The following AXDND1 variants were observed in gnomAD, a reference collection of about 807,000 sequenced individuals.
AXDND1 encodes axonemal dynein light chain domain containing 1.
Under a neutral mutation model 137.5 loss-of-function variants are expected in AXDND1, and 110 were observed. The observed-to-expected ratio is 0.80, with a 90% CI of 0.69 to 0.94. The LOEUF (loss-of-function observed/expected upper bound fraction) is 0.94. AXDND1 is among the 40% of genes least tolerant of loss of function. The pLI is 0.00. For missense variants in AXDND1, 1,191 were observed against 1,169.8 expected, an observed-to-expected ratio of 1.02 and a Z score of -0.26; for synonymous variants, 414 against 399.7, an observed-to-expected ratio of 1.04 and a Z score of -0.43.
intron 9 of AXDND1, among the ~76,000 whole-genome samples, chr1:179,392,857 G>A (rs1650409650): frequency 6.6e-6 from 1 of 151,700 alleles, no homozygotes; most frequent in South Asian, 2.1e-4. Context: ...GTTCATCGTA[G>A]ATTTTGGGTA....
At chr1:179,393,453 C>CT (rs1650515828) in intron 9 of AXDND1, among the ~76,000 whole-genome samples, 1 of 151,238 alleles carries the variant, frequency 6.6e-6, no homozygotes, top group African/African-American at 2.4e-5. Context: ...TATGTGGGGT[C>CT]TTTTTTGGTT....
intron 16 of AXDND1, chr1:179,457,133 A>G (rs73036735): frequency 0.094 from 89,531 of 952,724 alleles, 4,953 homozygotes; most frequent in African/African-American, 0.14. Flanking sequence ...GGCTGCATCC[A>G]CCTTCTCCGC....
rs754838951 is a variant in AXDND1, at chr1:179,429,555, T to A, written c.1268T>A (p.Leu423His). 1.2e-5 allele frequency: 19 copies of A among 1,577,448 alleles called. No homozygotes were observed. Among genetic ancestry groups the A allele is most frequent in the Non-Finnish European group, 1.6e-5 (19 of 1,164,788 alleles). ...ERNRVILARR[L>H]YLNEKGWNKY... ...AATAGAGTCATATTGGCTAGAAGAC[T>A]TTACCTTAATGAAAAAGGCTGGAAT... The change falls in exon 13 of 26, where the codon CTT becomes CAT. Residue 423 changes from leucine (L) to histidine (H), a missense_variant. Coordinates refer to ENST00000367618, the MANE Select transcript of AXDND1 (RefSeq NM_144696.6).
At chr1:179,519,593 G>T (rs1168738619) in intron 21 of AXDND1, among the ~76,000 whole-genome samples, 1 of 152,104 alleles carries the variant, frequency 6.6e-6, no homozygotes, top group East Asian at 1.9e-4. Flanking sequence ...TCCAGTTTCA[G>T]TTTTCTCCAT....
At position 179,366,363 on chromosome 1, in the gene AXDND1, TC is replaced by T. The variant is rs1667397895; in HGVS notation, c.-106-40del. 3 of 533,122 alleles carry T rather than the reference TC, an allele frequency of 5.6e-6. No homozygotes were observed. The South Asian group carries it at 6.3e-5, about 11-fold the overall frequency. 33.0% of individuals were successfully genotyped at this position (533,122 alleles called of 1,614,324 possible). On this transcript the variant is annotated intron_variant, in intron 1 of 25. Coordinates refer to ENST00000367618, the MANE Select transcript of AXDND1 (RefSeq NM_144696.6). ...GAACCTAAGTACTCAATAGTTGTCA[TC>T]TTTTTTTTTTTTTTTAAATCTTTTT...
intron 15 of AXDND1, among the ~76,000 whole-genome samples, chr1:179,444,156 T>C (rs557384803): frequency 6.6e-6 from 1 of 152,216 alleles, no homozygotes; most frequent in Non-Finnish European, 1.5e-5. Context: ...TAGCTCTCAT[T>C]TATTAAGCAC....
intron 17 of AXDND1, among the ~76,000 whole-genome samples, chr1:179,480,392 T>A (rs1037734945): frequency 6.6e-6 from 1 of 152,162 alleles, no homozygotes; most frequent in Admixed American, 6.5e-5. Context: ...TCATTAGACT[T>A]ATTCACTACC....
intron 14 of AXDND1, among the ~76,000 whole-genome samples, chr1:179,431,571 T>C (rs1044126618): frequency 5.3e-5 from 8 of 152,054 alleles, no homozygotes; most frequent in African/African-American, 1.9e-4. Flanking sequence ...TTTTTTTTTT[T>C]TTTTAAATTT....
At chr1:179,469,924 T>C (rs1003638955) in intron 17 of AXDND1, among the ~76,000 whole-genome samples, 1 of 152,232 alleles carries the variant, frequency 6.6e-6, no homozygotes, top group Non-Finnish European at 1.5e-5. Flanking sequence ...AATTTACCCC[T>C]ATGTTTTTTT....
intron 17 of AXDND1, among the ~76,000 whole-genome samples, chr1:179,474,916 C>T (rs993444317): frequency 2.0e-5 from 3 of 152,202 alleles, no homozygotes; most frequent in Non-Finnish European, 2.9e-5. Flanking sequence ...TTTCTTGGGT[C>T]AGGCCCAGGG....
intron 20 of AXDND1, among the ~76,000 whole-genome samples, chr1:179,501,002 C>A (rs756121660): frequency 7.9e-5 from 12 of 152,158 alleles, no homozygotes; most frequent in Admixed American, 1.3e-4. Flanking sequence ...ATTCACCTCT[C>A]CAGTCATATT....
At chr1:179,493,965 T>C (rs1667190932) in intron 20 of AXDND1, among the ~76,000 whole-genome samples, 1 of 152,166 alleles carries the variant, frequency 6.6e-6, no homozygotes, top group African/African-American at 2.4e-5. Context: ...TTTAAAATTT[T>C]TTTTGAGATG....
chr1:179,425,339 A>G (rs746197616), intron 12 of AXDND1, among the ~76,000 whole-genome samples: 6 of 152,208 alleles, frequency 3.9e-5, no homozygotes, highest in Non-Finnish European at 5.9e-5. Flanking sequence ...AAGGATGGCT[A>G]GGGGCTAGTG....
chr1:179,400,166 C>A lies in AXDND1; in HGVS notation c.1109+4964C>A, dbSNP rs532599032. ...AATTCACAATTGCAAAATCGTAGAA[C>A]CAACCCAAATGCCCATCAATCAACG... On this transcript the variant is annotated intron_variant, in intron 11 of 25. Transcript: ENST00000367618. 5.9e-5 allele frequency among the ~76,000 whole-genome samples: 9 copies of A among 152,180 alleles called. No individual in the cohort carries two copies. In the South Asian group the frequency reaches 1.9e-3, roughly 32 times the overall value.
At chr1:179,417,547 T>G (rs1267245175) in intron 12 of AXDND1, among the ~76,000 whole-genome samples, 1 of 152,142 alleles carries the variant, frequency 6.6e-6, no homozygotes, top group Non-Finnish European at 1.5e-5. Flanking sequence ...ATAGGGGGTC[T>G]AGTTTTATTG....
At chr1:179,535,287 A>C (rs1392681271) in intron 25 of AXDND1, among the ~76,000 whole-genome samples, 1 of 151,910 alleles carries the variant, frequency 6.6e-6, no homozygotes, top group Non-Finnish European at 1.5e-5. Flanking sequence ...GGTTTGGTAC[A>C]TAGGTATACA....
intron 11 of AXDND1, among the ~76,000 whole-genome samples, chr1:179,402,956 T>C (rs1652333834): frequency 6.6e-6 from 1 of 152,210 alleles, no homozygotes; most frequent in Non-Finnish European, 1.5e-5. Context: ...GATCAGTTAA[T>C]CTTACTTGAA....
At chr1:179,479,981 C>T (rs1358437541) in intron 17 of AXDND1, among the ~76,000 whole-genome samples, 1 of 152,176 alleles carries the variant, frequency 6.6e-6, no homozygotes, top group Admixed American at 6.5e-5. Context: ...TTCCATTGTC[C>T]ATATCATTAT....
rs760961744 is a variant in AXDND1 at position 179,366,535 on chromosome 1, C to T, written c.26C>T (p.Thr9Ile). 84 of 1,613,548 alleles carry T rather than the reference C, an allele frequency of 5.2e-5. No individual in the cohort carries two copies. The East Asian group carries it at 1.8e-3, about 36-fold the overall frequency. Residue 9 changes from threonine (T) to isoleucine (I), a missense_variant, in exon 2 of 26, where the codon ACC becomes ATC. Thr to Ile is a moderately conservative substitution (Grantham distance 89). Transcript: ENST00000367618. ...ATGTCTCTCCCGAAAACGCCCTCCA[C>T]CCCGCTAAACTCTACATCAACATCT... MSLPKTPS[T>I]PLNSTSTSES...
Sources: gnomAD v4.1 joint callset for allele counts (sites outside exome capture counted in the v4.1 genomes callset) on GRCh38, gnomAD v4.1.1 for gene constraint, MANE v1.5 for transcripts, NCBI Gene and HGNC (gene_info 2026-07-23, HGNC 2026-07-21) for gene names.